The following PIGK variants were observed in gnomAD, a reference collection of about 807,000 sequenced individuals.
The protein encoded by PIGK is GPI-anchor transamidase.
Under a neutral mutation model 50.6 loss-of-function variants are expected in PIGK, and 42 were observed. That is an observed-to-expected ratio of 0.83 (90% CI 0.65 to 1.07). The LOEUF (loss-of-function observed/expected upper bound fraction) is 1.07, where lower values mean the gene tolerates loss of function less well. Ranked by LOEUF, PIGK falls within the 50% of genes least tolerant of loss-of-function variation. The probability of loss-of-function intolerance (pLI) is 0.00; values close to 1 mark genes in which losing one functional copy is unlikely to be tolerated. For synonymous variants in PIGK, 151 were observed against 156.0 expected, an observed-to-expected ratio of 0.97 and a Z score of 0.24; for missense variants, 448 against 488.7, an observed-to-expected ratio of 0.92 and a Z score of 0.78.
chr1:77,148,971 T>C (rs1461570942), intron 9 of PIGK, among the ~76,000 whole-genome samples: 1 of 152,144 alleles, frequency 6.6e-6, no homozygotes, highest in Non-Finnish European at 1.5e-5. Context: ...CACCTTGGCC[T>C]CCCAAAGTGC....
chr1:77,212,277 C>T lies in PIGK; in HGVS notation c.94-1788G>A, dbSNP rs568420448. Among the ~76,000 whole-genome samples, 2 of 152,234 alleles carry T rather than the reference C, an allele frequency of 1.3e-5. 1 individual carries two copies. Among genetic ancestry groups the T allele is most frequent in the South Asian group, 4.2e-4 (2 of 4,818 alleles). ...CCTGTCAGAATGTCTAGGTTCGAAT[C>T]TGGGCTCTATTACTTACTAGGTGTA... On this transcript the variant is annotated intron_variant, in intron 1 of 10. Transcript: ENST00000370812.
intron 3 of PIGK, among the ~76,000 whole-genome samples, chr1:77,192,594 T>C (rs753758667): frequency 6.6e-6 from 1 of 152,122 alleles, no homozygotes; most frequent in Non-Finnish European, 1.5e-5. Flanking sequence ...TTGAATAATA[T>C]GGTAGAGATG....
chr1:77,201,281 G>A (rs1656158830), intron 3 of PIGK, among the ~76,000 whole-genome samples: 1 of 152,044 alleles, frequency 6.6e-6, no homozygotes, highest in Admixed American at 6.6e-5. Context: ...AAGTTAAAAG[G>A]GACAAAAGAC....
intron 10 of PIGK, among the ~76,000 whole-genome samples, chr1:77,099,859 T>A (rs1322324750): frequency 9.6e-6 from 1 of 103,640 alleles, no homozygotes; most frequent in Non-Finnish European, 2.0e-5. Flanking sequence ...TGCACTCCTC[T>A]TTTTTTAAAC....
chr1:77,130,189 C>CTTTTT (rs67252426), intron 9 of PIGK, among the ~76,000 whole-genome samples: 4 of 103,930 alleles, frequency 3.8e-5, no homozygotes, highest in African/African-American at 1.6e-4. Flanking sequence ...TTTGCATTGT[C>CTTTTT]TTTTTTTTTT....
intron 10 of PIGK, among the ~76,000 whole-genome samples, chr1:77,112,892 C>A (rs1039861711): frequency 6.6e-6 from 1 of 152,100 alleles, no homozygotes; most frequent in Admixed American, 6.6e-5. Flanking sequence ...TCCAGCAAAG[C>A]ATACATATGC....
intron 5 of PIGK, among the ~76,000 whole-genome samples, chr1:77,165,631 A>G (rs540051645): frequency 1.3e-5 from 2 of 152,160 alleles, no homozygotes; most frequent in African/African-American, 4.8e-5. Flanking sequence ...AGAAATATAT[A>G]ATCAATGACA....
chr1:77,139,325 A>G (rs1283350399), intron 9 of PIGK, among the ~76,000 whole-genome samples: 3 of 151,610 alleles, frequency 2.0e-5, no homozygotes, highest in African/African-American at 7.3e-5. Flanking sequence ...ACTTTCTGCT[A>G]CTAGATAAAA....
intron 10 of PIGK, among the ~76,000 whole-genome samples, chr1:77,114,326 T>C (rs1178221340): frequency 6.6e-6 from 1 of 152,148 alleles, no homozygotes; most frequent in Non-Finnish European, 1.5e-5. Context: ...AACAATTTCA[T>C]CAACGGTACT....
At chr1:77,211,194 C>T (rs1447241660) in intron 1 of PIGK, among the ~76,000 whole-genome samples, 3 of 151,770 alleles carry the variant, frequency 2.0e-5, no homozygotes, top group Non-Finnish European at 4.4e-5. Context: ...AAGGCAGGGG[C>T]TTTCATCAGT....
In PIGK at chr1:77,212,199, G is replaced by A. The variant is rs191963575; in HGVS notation, c.94-1710C>T. Among the ~76,000 whole-genome samples the A allele has an allele frequency of 4.4e-3, 668 of 152,174 alleles. 5 individuals carry two copies. Among genetic ancestry groups the A allele is most frequent in the African/African-American group, 0.016 (646 of 41,524 alleles). On this transcript the variant is annotated intron_variant, in intron 1 of 10. Coordinates refer to ENST00000370812, the MANE Select transcript of PIGK (RefSeq NM_005482.3). ...ATTTTGATTATATATTAAAATAATAGTGGATATAAGCCATACTGACCTCAG... is the reference window on the plus strand; with the variant it reads ...ATTTTGATTATATATTAAAATAATAATGGATATAAGCCATACTGACCTCAG...
In PIGK at chr1:77,091,925, A is replaced by G. The variant is rs1653310030; in HGVS notation, c.*449T>C. On this transcript the variant is annotated 3_prime_UTR_variant, in exon 11 of 11. Coordinates refer to ENST00000370812, the MANE Select transcript of PIGK (RefSeq NM_005482.3). ...TTGATAATACATTGTAAAATGAAAA[A>G]AGACATTACAAAATAGTACATTCCA... 6.5e-6 allele frequency: 1 copy of G among 152,714 alleles called. No individual in the cohort carries two copies. The highest frequency in any genetic ancestry group is 2.4e-5 in the African/African-American group (1 of 41,458). The allele number at this position is 152,714 out of a possible 1,614,324, so 9.5% of individuals were successfully genotyped here.
At chr1:77,104,018 C>T (rs1653610627) in intron 10 of PIGK, among the ~76,000 whole-genome samples, 1 of 138,632 alleles carries the variant, frequency 7.2e-6, no homozygotes, top group South Asian at 2.3e-4. Context: ...GATAGTGGGG[C>T]TATCTTAAAA....
At chr1:77,195,786 C>T (rs1348369884) in intron 3 of PIGK, among the ~76,000 whole-genome samples, 1 of 151,892 alleles carries the variant, frequency 6.6e-6, no homozygotes, top group Non-Finnish European at 1.5e-5. Flanking sequence ...TATATAGAAT[C>T]TAGATATTTA....
chr1:77,122,815 C>T (rs969459518), intron 9 of PIGK, among the ~76,000 whole-genome samples: 2 of 152,176 alleles, frequency 1.3e-5, no homozygotes, highest in South Asian at 4.1e-4. Context: ...CTCTCAGTTT[C>T]CCCGTGCTGT....
chr1:77,182,709 C>G (rs1033148743), intron 3 of PIGK, among the ~76,000 whole-genome samples: 3 of 152,108 alleles, frequency 2.0e-5, no homozygotes, highest in African/African-American at 7.2e-5. Flanking sequence ...CTGGATTTGG[C>G]TGCTTAATAT....
chr1:77,174,916 A>T, intron 3 of PIGK, among the ~76,000 whole-genome samples: 1 of 73,890 alleles, frequency 1.4e-5, no homozygotes, highest in South Asian at 6.1e-4. Flanking sequence ...CAACTACTGG[A>T]TCTTCTTCTG....
At position 77,219,378 on chromosome 1, in the gene PIGK, G is replaced by A. The variant is rs1375676481; in HGVS notation, c.25C>T (p.Arg9Trp). The change falls in exon 1 of 11, where the codon CGG becomes TGG. Residue 9 changes from arginine to tryptophan, a missense_variant. Transcript: ENST00000370812. ...ACAGTTGCCAAGACAGTCGCAGCCC[G>A]GCTGAGGCTGTCGGTGACGGCCATG... MAVTDSLS[R>W]AATVLATVLL... 9 of 1,613,582 alleles carry A rather than the reference G, an allele frequency of 5.6e-6. No homozygotes were observed. In the Admixed American group the frequency reaches 1.0e-4, roughly 18 times the overall value.
intron 3 of PIGK, among the ~76,000 whole-genome samples, chr1:77,192,031 A>C (rs1403932633): frequency 1.3e-5 from 2 of 152,122 alleles, no homozygotes; most frequent in African/African-American, 4.8e-5. Context: ...GCTACTCAGG[A>C]GATTGAGGCA....
Sources: gnomAD v4.1 joint callset for allele counts (sites outside exome capture counted in the v4.1 genomes callset) on GRCh38, gnomAD v4.1.1 for gene constraint, MANE v1.5 for transcripts, NCBI Gene and HGNC (gene_info 2026-07-23, HGNC 2026-07-21) for gene names.